PDE7B: variants seen among roughly 807,000 people sequenced by gnomAD.
The protein encoded by PDE7B is phosphodiesterase 7B, also known as 3',5'-cyclic-AMP phosphodiesterase 7B.
PDE7B carries 29 observed loss-of-function variants against 56.2 expected under a neutral mutation model. The observed-to-expected ratio is 0.52, with a 90% CI of 0.38 to 0.70. The LOEUF is 0.70. PDE7B is among the 30% of genes least tolerant of loss of function. The probability of loss-of-function intolerance (pLI) is 0.00; values close to 1 mark genes in which losing one functional copy is unlikely to be tolerated. For missense variants in PDE7B, 490 were observed against 565.0 expected (o/e 0.87, Z 1.35); for synonymous variants, 197 against 196.9 (o/e 1.00, Z 0.00).
At chr6:136,002,119 G>C (rs867654155) in intron 2 of PDE7B, among the ~76,000 whole-genome samples, 2 of 152,126 alleles carry the variant, frequency 1.3e-5, no homozygotes, top group African/African-American at 2.4e-5. Flanking sequence ...AAGTGAAGGA[G>C]AAATAAAATA....
chr6:135,953,237 A>G (rs899527774), intron 2 of PDE7B, among the ~76,000 whole-genome samples: 1 of 151,176 alleles, frequency 6.6e-6, no homozygotes, highest in African/African-American at 2.4e-5. Context: ...TTTTGCTCTT[A>G]TCACTTGCTT....
intron 1 of PDE7B, among the ~76,000 whole-genome samples, chr6:135,893,842 T>C (rs933004473): frequency 2.6e-5 from 4 of 152,148 alleles, no homozygotes; most frequent in Non-Finnish European, 5.9e-5. Flanking sequence ...AATTACACCA[T>C]CGTCATTGAA....
chr6:136,120,165 CAT>C (rs752146372), intron 3 of PDE7B, among the ~76,000 whole-genome samples: 23 of 152,224 alleles, frequency 1.5e-4, no homozygotes, highest in Middle Eastern at 3.2e-3. Flanking sequence ...GCATAGGACA[CAT>C]AACAATATAA....
intron 2 of PDE7B, among the ~76,000 whole-genome samples, chr6:136,099,545 CAT>C (rs1478543668): frequency 2.0e-5 from 3 of 152,322 alleles, no homozygotes; most frequent in Middle Eastern, 3.4e-3. Flanking sequence ...AGCATTTTTT[CAT>C]ATGTCTGTTG....
intron 2 of PDE7B, among the ~76,000 whole-genome samples, chr6:136,080,220 A>T: frequency 6.6e-6 from 1 of 152,208 alleles, no homozygotes; most frequent in East Asian, 1.9e-4. Flanking sequence ...TGAGAAGATA[A>T]ACTTCCAATT....
chr6:136,183,290 CTTGTT>C (rs1779095794), intron 11 of PDE7B, among the ~76,000 whole-genome samples: 1 of 151,816 alleles, frequency 6.6e-6, no homozygotes, highest in African/African-American at 2.4e-5. Flanking sequence ...AGAAATTCTG[CTTGTT>C]TTAAGAGAAG....
intron 6 of PDE7B, among the ~76,000 whole-genome samples, chr6:136,152,476 G>A (rs546728704): frequency 3.9e-4 from 59 of 152,336 alleles, no homozygotes; most frequent in African/African-American, 2.6e-4. Context: ...GAGGTACAAA[G>A]AGGTTTCATT....
At chr6:135,908,040 A>G (rs1351727460) in intron 1 of PDE7B, among the ~76,000 whole-genome samples, 4 of 152,070 alleles carry the variant, frequency 2.6e-5, no homozygotes, top group Non-Finnish European at 5.9e-5. Flanking sequence ...TGAAAGTTAG[A>G]TAATATTTTG....
intron 2 of PDE7B, among the ~76,000 whole-genome samples, chr6:136,008,957 T>C (rs1403896932): frequency 6.6e-6 from 1 of 152,142 alleles, no homozygotes; most frequent in Non-Finnish European, 1.5e-5. Context: ...CTAGGGTTTT[T>C]ATGGTTTTAG....
At chr6:135,934,852 T>TATATATAA (rs1774374920) in intron 1 of PDE7B, among the ~76,000 whole-genome samples, 1 of 92,736 alleles carries the variant, frequency 1.1e-5, no homozygotes, top group African/African-American at 4.1e-5. Context: ...TTTATTTAAA[T>TATATATAA]AAATATATAT....
At chr6:136,181,852 T>C (rs1256952529) in intron 11 of PDE7B, among the ~76,000 whole-genome samples, 1 of 152,244 alleles carries the variant, frequency 6.6e-6, no homozygotes, top group Non-Finnish European at 1.5e-5. Flanking sequence ...TAGAAGGATT[T>C]TGCTGTGAAA....
chr6:136,027,258 G>A (rs1776168461), intron 2 of PDE7B, among the ~76,000 whole-genome samples: 3 of 152,236 alleles, frequency 2.0e-5, no homozygotes, highest in Admixed American at 2.0e-4. Flanking sequence ...AATGGAAATA[G>A]TCTATCTCTG....
intron 2 of PDE7B, among the ~76,000 whole-genome samples, chr6:135,994,573 G>T (rs996515781): frequency 1.3e-5 from 2 of 152,118 alleles, no homozygotes; most frequent in African/African-American, 4.8e-5. Flanking sequence ...AGAAGTCATG[G>T]ATACAATAGA....
intron 1 of PDE7B, among the ~76,000 whole-genome samples, chr6:135,916,384 TTTTC>T (rs1161138165): frequency 4.9e-5 from 5 of 101,920 alleles, no homozygotes; most frequent in Admixed American, 3.2e-4. Flanking sequence ...TTTTCTTTTC[TTTTC>T]TTTCTTTTTT....
chr6:135,888,540 TTATAGGTATAAAA>T (rs894509540), intron 1 of PDE7B, among the ~76,000 whole-genome samples: 7 of 152,042 alleles, frequency 4.6e-5, no homozygotes, highest in Non-Finnish European at 7.4e-5. Context: ...TTTATACTTA[TTATAGGTATAAAA>T]TATAGGTATA....
At chr6:136,058,676 G>T (rs1341810884) in intron 2 of PDE7B, among the ~76,000 whole-genome samples, 2 of 152,112 alleles carry the variant, frequency 1.3e-5, no homozygotes, top group Non-Finnish European at 2.9e-5. Context: ...CATGTTAACT[G>T]GTATCCTTCT....
At chr6:136,019,908 G>A (rs1288938518) in intron 2 of PDE7B, among the ~76,000 whole-genome samples, 1 of 152,140 alleles carries the variant, frequency 6.6e-6, no homozygotes, top group Non-Finnish European at 1.5e-5. Context: ...TGAGGAGAGG[G>A]AGGAAGAGGA....
In PDE7B at chr6:135,961,251, GTA is replaced by G. The variant is rs774977841; in HGVS notation, c.82+13731_82+13732del. Among the ~76,000 whole-genome samples the G allele has an allele frequency of 3.1e-3, 457 of 147,292 alleles. 3 individuals carry two copies. The highest frequency in any genetic ancestry group is 4.3e-3 in the Admixed American group (60 of 14,040). ...AATTGCAATTGTTGGGTCATAGAGT[GTA>G]TATGTGTGTGTGTGTGTGTGTGTGT... On this transcript the variant is annotated intron_variant, in intron 2 of 12. Coordinates refer to ENST00000308191, the MANE Select transcript of PDE7B (RefSeq NM_018945.4).
At chr6:135,966,390 A>G (rs1291644381) in intron 2 of PDE7B, among the ~76,000 whole-genome samples, 1 of 152,230 alleles carries the variant, frequency 6.6e-6, no homozygotes, top group East Asian at 1.9e-4. Context: ...TAAAAAACAA[A>G]GGAAAGAGAA....
Sources: gnomAD v4.1 joint callset for allele counts (sites outside exome capture counted in the v4.1 genomes callset) on GRCh38, gnomAD v4.1.1 for gene constraint, MANE v1.5 for transcripts, NCBI Gene and HGNC (gene_info 2026-07-23, HGNC 2026-07-21) for gene names.